CACNG2: variants seen among roughly 807,000 people sequenced by gnomAD.
The protein encoded by CACNG2 is voltage-dependent calcium channel gamma-2 subunit.
Under a neutral mutation model 25.9 loss-of-function variants are expected in CACNG2, and 3 were observed. The observed-to-expected ratio is 0.12, with a 90% CI of 0.05 to 0.30. The LOEUF (loss-of-function observed/expected upper bound fraction) is 0.30, where lower values mean the gene tolerates loss of function less well. Among genes scored for constraint, CACNG2 ranks in the 10% least tolerant of loss-of-function variants. CACNG2 has a pLI of 1.00. For synonymous variants in CACNG2, 167 were observed against 173.3 expected, an observed-to-expected ratio of 0.96 and a Z score of 0.29; for missense variants, 341 against 432.5, an observed-to-expected ratio of 0.79 and a Z score of 1.88.
intron 1 of CACNG2, among the ~76,000 whole-genome samples, chr22:36,683,420 G>C (rs1002870563): frequency 3.9e-5 from 6 of 152,198 alleles, no homozygotes; most frequent in Non-Finnish European, 8.8e-5. Flanking sequence ...GGAAATGCCT[G>C]CATTCTCTCT....
At chr22:36,661,120 C>T (rs1936787207) in intron 1 of CACNG2, among the ~76,000 whole-genome samples, 1 of 152,190 alleles carries the variant, frequency 6.6e-6, no homozygotes, top group South Asian at 2.1e-4. Context: ...TCGGACCCTC[C>T]CAGGCACACC....
At chr22:36,650,707 T>TG (rs992191951) in intron 1 of CACNG2, among the ~76,000 whole-genome samples, 1 of 152,136 alleles carries the variant, frequency 6.6e-6, no homozygotes, top group African/African-American at 2.4e-5. Context: ...TTTGTAGAGA[T>TG]GGGGGTGTCA....
Position 36,590,488 on chromosome 22 carries a change from A to G in CACNG2, c.212-2940T>C, listed in dbSNP as rs139065995. Among the ~76,000 whole-genome samples, 666 of 152,004 alleles carry G rather than the reference A, an allele frequency of 4.4e-3. 15 individuals carry two copies. Among genetic ancestry groups the G allele is most frequent in the African/African-American group, 0.014 (585 of 41,442 alleles). ...AGCCTAGTTGTCAGCGCTGACATCT[A>G]TCTCTTCCTCCTCCCTGCAGGCTCC... On this transcript the variant is annotated intron_variant, in intron 1 of 3. Coordinates refer to ENST00000300105, the MANE Select transcript of CACNG2 (RefSeq NM_006078.5).
chr22:36,573,739 CTG>C (rs1935270118), intron 2 of CACNG2, among the ~76,000 whole-genome samples: 1 of 152,206 alleles, frequency 6.6e-6, no homozygotes, highest in African/African-American at 2.4e-5. Context: ...ACTCTAGGGT[CTG>C]TGTGTCTAAC....
chr22:36,690,142 C>T (rs1413475640), intron 1 of CACNG2, among the ~76,000 whole-genome samples: 5 of 152,192 alleles, frequency 3.3e-5, no homozygotes, highest in East Asian at 1.9e-4. Flanking sequence ...TTGCCATAGG[C>T]GTAGAGGAGG....
intron 2 of CACNG2, among the ~76,000 whole-genome samples, chr22:36,583,389 T>A (rs903072841): frequency 1.3e-5 from 2 of 149,338 alleles, no homozygotes; most frequent in Non-Finnish European, 3.0e-5. Flanking sequence ...GCCAAGATTG[T>A]ACCACTGCAC....
chr22:36,680,245 A>G (rs917428684), intron 1 of CACNG2, among the ~76,000 whole-genome samples: 1 of 151,544 alleles, frequency 6.6e-6, no homozygotes, highest in South Asian at 2.1e-4. Flanking sequence ...CACCACCACC[A>G]TCACCATCAT....
intron 2 of CACNG2, among the ~76,000 whole-genome samples, chr22:36,575,780 C>A (rs1174141634): frequency 6.6e-6 from 1 of 152,178 alleles, no homozygotes; most frequent in Non-Finnish European, 1.5e-5. Context: ...CGAGTAATGA[C>A]CTTGAATCAA....
intron 2 of CACNG2, among the ~76,000 whole-genome samples, chr22:36,578,788 T>C (rs1935366353): frequency 6.6e-6 from 1 of 152,146 alleles, no homozygotes; most frequent in South Asian, 2.1e-4. Flanking sequence ...GTACCTTGTT[T>C]ATTCACTTAG....
intron 2 of CACNG2, among the ~76,000 whole-genome samples, chr22:36,572,847 GC>G: frequency 6.6e-6 from 1 of 152,282 alleles, no homozygotes; most frequent in East Asian, 1.9e-4. Flanking sequence ...GAGATGCTTT[GC>G]TCTAGGCTAG....
intron 2 of CACNG2, among the ~76,000 whole-genome samples, chr22:36,574,353 T>G (rs1372961239): frequency 2.0e-5 from 3 of 151,876 alleles, no homozygotes; most frequent in Non-Finnish European, 4.4e-5. Flanking sequence ...GGAGGTGAAT[T>G]GAAGCTTGAT....
intron 1 of CACNG2, among the ~76,000 whole-genome samples, chr22:36,621,340 T>G (rs1213033356): frequency 6.6e-6 from 1 of 152,174 alleles, no homozygotes; most frequent in Non-Finnish European, 1.5e-5. Context: ...AAATCCTGTC[T>G]CTACTAAAAA....
chr22:36,571,382 G>A (rs1262878054), intron 2 of CACNG2, among the ~76,000 whole-genome samples: 3 of 151,918 alleles, frequency 2.0e-5, no homozygotes, highest in Non-Finnish European at 4.4e-5. Flanking sequence ...GCTTGAACCC[G>A]GGAGGCAGAG....
intron 1 of CACNG2, among the ~76,000 whole-genome samples, chr22:36,605,521 T>C (rs1935817753): frequency 6.6e-6 from 1 of 152,220 alleles, no homozygotes; most frequent in Non-Finnish European, 1.5e-5. Context: ...TGCTCAGTGG[T>C]TAGCTTCACA....
intron 1 of CACNG2, among the ~76,000 whole-genome samples, chr22:36,672,964 G>A (rs1936973059): frequency 2.0e-5 from 3 of 152,344 alleles, no homozygotes; most frequent in South Asian, 4.1e-4. Context: ...AGTGGCTCAC[G>A]CCTGTAACCT....
chr22:36,604,695 T>C (rs989503368), intron 1 of CACNG2, among the ~76,000 whole-genome samples: 2 of 152,216 alleles, frequency 1.3e-5, no homozygotes, highest in African/African-American at 4.8e-5. Flanking sequence ...TTTTTAGCAA[T>C]AAAATATGTT....
chr22:36,641,026 G>C (rs1936435953), intron 1 of CACNG2, among the ~76,000 whole-genome samples: 1 of 152,126 alleles, frequency 6.6e-6, no homozygotes, highest in African/African-American at 2.4e-5. Context: ...GCAATGTCCT[G>C]TCTTCAACAT....
intron 1 of CACNG2, among the ~76,000 whole-genome samples, chr22:36,696,445 T>C (rs972259680): frequency 2.0e-5 from 3 of 152,202 alleles, no homozygotes; most frequent in African/African-American, 7.2e-5. Context: ...CAGCTCACCA[T>C]GCAGGAAGAA....
intron 1 of CACNG2, among the ~76,000 whole-genome samples, chr22:36,665,263 C>T (rs569314507): frequency 3.3e-4 from 50 of 152,270 alleles, no homozygotes; most frequent in African/African-American, 1.2e-3. Context: ...TGCCTGGGTT[C>T]GAAGCCTGCT....
Sources: gnomAD v4.1 joint callset for allele counts (sites outside exome capture counted in the v4.1 genomes callset) on GRCh38, gnomAD v4.1.1 for gene constraint, MANE v1.5 for transcripts, NCBI Gene and HGNC (gene_info 2026-07-23, HGNC 2026-07-21) for gene names.